RUNX2: variants seen among roughly 807,000 people sequenced by gnomAD.
RUNX2 encodes runt-related transcription factor 2.
RUNX2 carries 10 observed loss-of-function variants against 51.7 expected under a neutral mutation model. That is an observed-to-expected ratio of 0.19 (90% CI 0.12 to 0.33). The LOEUF (loss-of-function observed/expected upper bound fraction) is 0.33. Ranked by LOEUF, RUNX2 falls within the 10% of genes least tolerant of loss-of-function variation. The probability of loss-of-function intolerance (pLI) is 1.00; values close to 1 mark genes in which losing one functional copy is unlikely to be tolerated. For missense variants in RUNX2, 562 were observed against 691.3 expected, an observed-to-expected ratio of 0.81 and a Z score of 2.10; for synonymous variants, 276 against 273.6, an observed-to-expected ratio of 1.01 and a Z score of -0.09.
intron 2 of RUNX2, among the ~76,000 whole-genome samples, chr6:45,384,273 T>C (rs1285526681): frequency 6.6e-6 from 1 of 151,390 alleles, no homozygotes; most frequent in East Asian, 1.9e-4. Flanking sequence ...GTTGGGGTTT[T>C]TTTTGTTTGT....
At chr6:45,530,707 CT>C (rs1801815537) in intron 7 of RUNX2, among the ~76,000 whole-genome samples, 1 of 152,230 alleles carries the variant, frequency 6.6e-6, no homozygotes, top group African/African-American at 2.4e-5. Context: ...TTGAACTCTT[CT>C]GCTCTGCTTC....
chr6:45,375,036 G>T (rs1796588197), intron 2 of RUNX2, among the ~76,000 whole-genome samples: 1 of 152,076 alleles, frequency 6.6e-6, no homozygotes, highest in African/African-American at 2.4e-5. Flanking sequence ...GTGAAACTCT[G>T]TCTCTACAAA....
chr6:45,399,591 C>T, intron 2 of RUNX2, among the ~76,000 whole-genome samples: 1 of 151,906 alleles, frequency 6.6e-6, no homozygotes, highest in East Asian at 1.9e-4. Context: ...AACTCCTGAC[C>T]TCATGATCTG....
intron 2 of RUNX2, among the ~76,000 whole-genome samples, chr6:45,403,035 T>A (rs909863167): frequency 2.0e-5 from 3 of 152,066 alleles, no homozygotes; most frequent in Non-Finnish European, 4.4e-5. Context: ...TAATCCATAC[T>A]CAATGGACAT....
intron 5 of RUNX2, among the ~76,000 whole-genome samples, chr6:45,466,687 T>TC (rs756296709): frequency 4.6e-5 from 7 of 152,234 alleles, no homozygotes; most frequent in Non-Finnish European, 1.0e-4. Context: ...ATTTATCTTT[T>TC]CCCCTCTTTC....
chr6:45,388,848 T>C (rs1158591416), intron 2 of RUNX2, among the ~76,000 whole-genome samples: 1 of 152,214 alleles, frequency 6.6e-6, no homozygotes, highest in Non-Finnish European at 1.5e-5. Flanking sequence ...CTTGCTTCTC[T>C]ACTCTCATTT....
chr6:45,422,623 C>G lies in RUNX2; in HGVS notation c.89C>G (p.Pro30Arg), dbSNP rs573668161. ...DPSTSRRFSP[P>R]SSSLQPGKMS... ...AGCACCAGCCGGCGCTTCAGCCCCC[C>G]CTCCAGCAGCCTGCAGCCCGGCAAA... is the stretch of plus-strand genomic sequence containing the variant. Residue 30 changes from proline (P) to arginine (R), a missense_variant, in exon 3 of 9, where the codon CCC becomes CGC. Physicochemically the swap from Pro to Arg is moderately radical, Grantham distance 103 (BLOSUM62 -2). This residue lies in a region of RUNX2 where 153 missense variants were observed against 144.8 expected (regional missense o/e 1.06). Coordinates refer to ENST00000647337, the MANE Select transcript of RUNX2 (RefSeq NM_001024630.4). 6.2e-6 allele frequency: 10 copies of G among 1,606,964 alleles called. No homozygotes were observed. The highest frequency in any genetic ancestry group is 5.4e-5 in the African/African-American group (4 of 74,740).
Position 45,422,675 on chromosome 6 carries a change from T to C in RUNX2, c.141T>C (p.Ala47=), listed in dbSNP as rs1444798808. ...GKMSDVSPVV[A]AQQQQQQQQQ... is the part of the protein sequence containing the mutation. ...TGAGCGACGTGAGCCCGGTGGTGGC[T>C]GCGCAACAGCAGCAGCAACAGCAGC... The change falls in exon 3 of 9, where the codon GCT becomes GCC. Residue 47 remains alanine (A), a synonymous_variant. Transcript: ENST00000647337. 15 of 1,604,784 alleles carry C rather than the reference T, an allele frequency of 9.3e-6. No individual in the cohort carries two copies. The highest frequency in any genetic ancestry group is 1.2e-5 in the Non-Finnish European group (14 of 1,176,520).
At chr6:45,370,151 C>T (rs148554404) in intron 2 of RUNX2, among the ~76,000 whole-genome samples, 3 of 152,118 alleles carry the variant, frequency 2.0e-5, no homozygotes, top group Admixed American at 6.6e-5. Context: ...TCAAGAAGAC[C>T]AGTTAGGAAG....
At chr6:45,482,369 G>A (rs1029842976) in intron 5 of RUNX2, among the ~76,000 whole-genome samples, 6 of 152,210 alleles carry the variant, frequency 3.9e-5, no homozygotes, top group Admixed American at 3.9e-4. Flanking sequence ...CCTGATAACT[G>A]TCCTTTCTCC....
At chr6:45,508,892 G>A (rs2150418684) in intron 6 of RUNX2, among the ~76,000 whole-genome samples, 1 of 150,278 alleles carries the variant, frequency 6.7e-6, no homozygotes, top group Admixed American at 6.6e-5. Flanking sequence ...ACCCTGAAAG[G>A]TTCATTCAAT....
intron 5 of RUNX2, among the ~76,000 whole-genome samples, chr6:45,454,904 A>T (rs1345524702): frequency 6.6e-6 from 1 of 152,310 alleles, no homozygotes; most frequent in East Asian, 1.9e-4. Flanking sequence ...ACTTGAGGTC[A>T]GGAGTTCGAG....
At chr6:45,467,243 G>C (rs953019649) in intron 5 of RUNX2, among the ~76,000 whole-genome samples, 5 of 151,910 alleles carry the variant, frequency 3.3e-5, no homozygotes, top group Non-Finnish European at 5.9e-5. Flanking sequence ...TGTATGACTG[G>C]TCCTCTTTCT....
At chr6:45,457,497 G>C (rs778757439) in intron 5 of RUNX2, among the ~76,000 whole-genome samples, 29 of 151,028 alleles carry the variant, frequency 1.9e-4, no homozygotes, top group Non-Finnish European at 3.1e-4. Context: ...AAAGATGAGA[G>C]GATGTAGATT....
intron 2 of RUNX2, among the ~76,000 whole-genome samples, chr6:45,344,752 G>A (rs747038807): frequency 6.6e-6 from 1 of 152,130 alleles, no homozygotes; most frequent in African/African-American, 2.4e-5. Context: ...AGGTGAGTCT[G>A]CCTTTAAGAC....
chr6:45,547,863 A>G lies in RUNX2; in HGVS notation c.*558A>G, dbSNP rs770552169. Reference sequence around the variant, plus strand: ...ACTCTTCCAATTTCTGCTTTCAGACATGCTGCAGGTCCTCATCTGAACTGT... The same window carrying G: ...ACTCTTCCAATTTCTGCTTTCAGACGTGCTGCAGGTCCTCATCTGAACTGT... On this transcript the variant is annotated 3_prime_UTR_variant, in exon 9 of 9. Coordinates refer to ENST00000647337, the MANE Select transcript of RUNX2 (RefSeq NM_001024630.4). The G allele has an allele frequency of 6.3e-6, 1 of 158,480 alleles. No homozygotes were observed. Among genetic ancestry groups the G allele is most frequent in the Non-Finnish European group, 1.4e-5 (1 of 72,156 alleles). 9.8% of individuals were successfully genotyped at this position (158,480 alleles called of 1,614,324 possible). A position where few individuals can be genotyped will look rare whatever the true frequency, so the allele number is the denominator to read the frequency against.
chr6:45,411,318 TC>T (rs1797946417), intron 2 of RUNX2, among the ~76,000 whole-genome samples: 1 of 152,162 alleles, frequency 6.6e-6, no homozygotes, highest in African/African-American at 2.4e-5. Flanking sequence ...GATGTGAGTC[TC>T]CCCCCTTTTA....
chr6:45,488,705 G>A (rs1800359153), intron 5 of RUNX2, among the ~76,000 whole-genome samples: 2 of 130,896 alleles, frequency 1.5e-5, no homozygotes, highest in African/African-American at 6.0e-5. Context: ...AATGATGGAA[G>A]GATTCAGGGA....
intron 5 of RUNX2, among the ~76,000 whole-genome samples, chr6:45,448,251 T>C (rs1799059632): frequency 6.6e-6 from 1 of 152,188 alleles, no homozygotes. Context: ...TGGAACTTTT[T>C]ATCCAAATTT....
Sources: allele counts gnomAD v4.1 joint callset (sites outside exome capture counted in the v4.1 genomes callset), GRCh38; gene constraint gnomAD v4.1.1; regional missense constraint gnomAD v4.1.1; transcripts MANE v1.5; gene names NCBI Gene and HGNC (gene_info 2026-07-23, HGNC 2026-07-21).